Variants in STX8 observed in about 807,000 individuals in gnomAD.
STX8 encodes the protein syntaxin 8.
A neutral mutation model predicts 37.5 loss-of-function variants in STX8; 23 were observed. The ratio of observed to expected loss-of-function variants is 0.61; its 90% confidence interval spans 0.44 to 0.87. The LOEUF is 0.87. Ranked by LOEUF, STX8 falls within the 40% of genes least tolerant of loss-of-function variation. The pLI is 0.00. For synonymous variants in STX8, 115 were observed against 99.1 expected, an observed-to-expected ratio of 1.16 and a Z score of -0.95; for missense variants, 313 against 284.7, an observed-to-expected ratio of 1.10 and a Z score of -0.71.
At chr17:9,323,075 A>G (rs933137421) in intron 7 of STX8, among the ~76,000 whole-genome samples, 1 of 152,118 alleles carries the variant, frequency 6.6e-6, no homozygotes, top group Non-Finnish European at 1.5e-5. Flanking sequence ...TCATCACTAG[A>G]GAGATGCTAA....
chr17:9,423,241 T>C (rs1359595484), intron 6 of STX8, among the ~76,000 whole-genome samples: 3 of 152,236 alleles, frequency 2.0e-5, no homozygotes, highest in Non-Finnish European at 2.9e-5. Context: ...GTTAGCTAAA[T>C]GAGGAAACTA....
At chr17:9,392,011 A>G (rs148261181) in intron 6 of STX8, among the ~76,000 whole-genome samples, 9 of 152,326 alleles carry the variant, frequency 5.9e-5, no homozygotes, top group African/African-American at 1.9e-4. Context: ...CAGTCTGGTC[A>G]CTGGCTACTG....
At chr17:9,487,830 G>A (rs911823110) in intron 6 of STX8, among the ~76,000 whole-genome samples, 12 of 152,124 alleles carry the variant, frequency 7.9e-5, no homozygotes, top group African/African-American at 1.2e-4. Flanking sequence ...ACGTGGATGC[G>A]CTTCTGTGCA....
intron 6 of STX8, among the ~76,000 whole-genome samples, chr17:9,415,112 C>A (rs1168127865): frequency 3.9e-5 from 6 of 152,004 alleles, no homozygotes; most frequent in Admixed American, 2.0e-4. Flanking sequence ...TGCATTCCAC[C>A]CCATCCCACA....
intron 7 of STX8, among the ~76,000 whole-genome samples, chr17:9,266,488 C>T (rs893329432): frequency 1.3e-5 from 2 of 152,138 alleles, no homozygotes; most frequent in East Asian, 1.9e-4. Flanking sequence ...CTGAGAGCTG[C>T]AAAGTGTTGG....
chr17:9,327,050 G>C (rs1193509467), intron 7 of STX8, among the ~76,000 whole-genome samples: 2 of 151,970 alleles, frequency 1.3e-5, no homozygotes, highest in East Asian at 3.9e-4. Flanking sequence ...CCAGCTATTC[G>C]GGAGGCTGAG....
chr17:9,509,217 C>T (rs896185353), intron 4 of STX8, among the ~76,000 whole-genome samples: 4 of 152,138 alleles, frequency 2.6e-5, no homozygotes, highest in Non-Finnish European at 5.9e-5. Flanking sequence ...CTACTGCACT[C>T]CAGCCTGGGC....
At chr17:9,571,482 T>C (rs1333923214) in intron 1 of STX8, among the ~76,000 whole-genome samples, 2 of 66,344 alleles carry the variant, frequency 3.0e-5, no homozygotes, top group African/African-American at 3.9e-5. Flanking sequence ...GAAAAAGTAA[T>C]TGGGTCGGGG....
intron 6 of STX8, among the ~76,000 whole-genome samples, chr17:9,410,795 T>G (rs554011343): frequency 1.2e-4 from 18 of 152,356 alleles, no homozygotes; most frequent in African/African-American, 4.3e-4. Context: ...CATTACATTT[T>G]TTTCCTAAAA....
chr17:9,548,400 C>G (rs763089120), intron 3 of STX8: 2 of 152,206 alleles, frequency 1.3e-5, no homozygotes, highest in African/African-American at 4.8e-5. Context: ...CCACCATACC[C>G]GGCCACCTCA....
At chr17:9,372,253 A>G (rs1280902521) in intron 7 of STX8, among the ~76,000 whole-genome samples, 1 of 151,754 alleles carries the variant, frequency 6.6e-6, no homozygotes, top group Non-Finnish European at 1.5e-5. Flanking sequence ...GCTCAGTGCC[A>G]ACGCTGCCCT....
intron 6 of STX8, among the ~76,000 whole-genome samples, chr17:9,391,671 G>GA (rs11415026): frequency 0.33 from 40,033 of 122,138 alleles, 6,433 homozygotes; most frequent in African/African-American, 0.48. Context: ...AAAGATGAGG[G>GA]AAAAAAAAAA....
intron 3 of STX8, among the ~76,000 whole-genome samples, chr17:9,551,356 T>C (rs1906754163): frequency 6.6e-6 from 1 of 152,204 alleles, no homozygotes. Flanking sequence ...AGTTTTGACA[T>C]AACCATCATG....
At chr17:9,293,919 G>A (rs570593195) in intron 7 of STX8, among the ~76,000 whole-genome samples, 4 of 142,806 alleles carry the variant, frequency 2.8e-5, no homozygotes, top group South Asian at 4.7e-4. Context: ...CCGCCACCAC[G>A]CCTGGCTAAT....
At chr17:9,348,994 T>C (rs1910616743) in intron 7 of STX8, among the ~76,000 whole-genome samples, 1 of 152,196 alleles carries the variant, frequency 6.6e-6, no homozygotes, top group Admixed American at 6.5e-5. Flanking sequence ...ATACCTACGA[T>C]AAAGTTAACT....
chr17:9,308,722 A>C lies in STX8; in HGVS notation c.644-58077T>G, dbSNP rs1909089282. On this transcript the variant is annotated intron_variant, in intron 7 of 7. Coordinates refer to ENST00000306357, the MANE Select transcript of STX8 (RefSeq NM_004853.3). Reference sequence around the variant, plus strand: ...TGGAGGACAACAGTGAAACTCCGTCAAAAAAAAAAAAAAAAAAAAAAAGGA... The same window carrying C: ...TGGAGGACAACAGTGAAACTCCGTCCAAAAAAAAAAAAAAAAAAAAAAGGA... Among the ~76,000 whole-genome samples the C allele has an allele frequency of 8.8e-5, 5 of 57,008 alleles. No individual in the cohort carries two copies. The South Asian group carries it at 3.1e-3, about 36-fold the overall frequency. 37.4% of individuals were successfully genotyped at this position (57,008 alleles called of 152,430 possible).
At chr17:9,298,109 C>T (rs935393369) in intron 7 of STX8, among the ~76,000 whole-genome samples, 4 of 152,026 alleles carry the variant, frequency 2.6e-5, no homozygotes, top group Non-Finnish European at 4.4e-5. Context: ...CACAGTCAGC[C>T]TCCTCCTCCG....
chr17:9,345,351 C>A (rs759075956), intron 7 of STX8, among the ~76,000 whole-genome samples: 2 of 151,814 alleles, frequency 1.3e-5, no homozygotes, highest in Non-Finnish European at 2.9e-5. Flanking sequence ...GGTTTCACCA[C>A]AATGGCCAGG....
chr17:9,355,493 C>T (rs1270051566), intron 7 of STX8, among the ~76,000 whole-genome samples: 1 of 149,596 alleles, frequency 6.7e-6, no homozygotes, highest in African/African-American at 2.5e-5. Flanking sequence ...CACCACCACA[C>T]CTAGCAATTT....
Sources: allele counts gnomAD v4.1 joint callset (sites outside exome capture counted in the v4.1 genomes callset), GRCh38; gene constraint gnomAD v4.1.1; transcripts MANE v1.5; gene names NCBI Gene and HGNC (gene_info 2026-07-23, HGNC 2026-07-21).